KTN1: variants seen among roughly 807,000 people sequenced by gnomAD.
KTN1 encodes the protein kinectin 1, also known as kinectin.
KTN1 carries 130 observed loss-of-function variants against 222.5 expected under a neutral mutation model. The observed-to-expected ratio is 0.58, with a 90% CI of 0.51 to 0.68. KTN1 has a LOEUF of 0.68. Ranked by LOEUF, KTN1 falls within the 30% of genes least tolerant of loss-of-function variation. The probability of loss-of-function intolerance (pLI) is 0.00; values close to 1 mark genes in which losing one functional copy is unlikely to be tolerated. For missense variants in KTN1, 1,508 were observed against 1,500.4 expected (o/e 1.01, Z -0.08); for synonymous variants, 512 against 496.3 (o/e 1.03, Z -0.42).
intron 2 of KTN1, among the ~76,000 whole-genome samples, chr14:55,613,891 TAGAG>T (rs1035910311): frequency 6.3e-4 from 96 of 152,074 alleles, no homozygotes; most frequent in Non-Finnish European, 1.1e-3. Flanking sequence ...ATGTAGGAGA[TAGAG>T]AAAGTATAGA....
At chr14:55,584,724 T>G (rs1295637980) in intron 1 of KTN1, among the ~76,000 whole-genome samples, 1 of 151,640 alleles carries the variant, frequency 6.6e-6, no homozygotes, top group Non-Finnish European at 1.5e-5. Context: ...TCAAACACAG[T>G]ATTACATAGC....
intron 30 of KTN1, among the ~76,000 whole-genome samples, chr14:55,659,349 T>C (rs1337096514): frequency 2.0e-5 from 3 of 151,760 alleles, no homozygotes; most frequent in Admixed American, 6.6e-5. Flanking sequence ...AACAGTTTTA[T>C]GTAGTCAAAT....
chr14:55,606,013 A>C (rs546263766), intron 1 of KTN1, among the ~76,000 whole-genome samples: 4 of 152,204 alleles, frequency 2.6e-5, no homozygotes, highest in Non-Finnish European at 4.4e-5. Flanking sequence ...TGGTATGAAG[A>C]GTGTGGCACG....
At chr14:55,583,689 T>C (rs2032268730) in intron 1 of KTN1, among the ~76,000 whole-genome samples, 1 of 152,222 alleles carries the variant, frequency 6.6e-6, no homozygotes. Context: ...TCTTATCCAG[T>C]GTCATGGTTT....
intron 28 of KTN1, among the ~76,000 whole-genome samples, chr14:55,654,536 A>T (rs1193644681): frequency 2.2e-4 from 28 of 125,422 alleles, no homozygotes; most frequent in African/African-American, 6.9e-4. Context: ...TTTCTGCCTT[A>T]CATTTTTTTT....
intron 25 of KTN1, among the ~76,000 whole-genome samples, chr14:55,652,361 C>A (rs1471136850): frequency 6.7e-6 from 1 of 149,336 alleles, no homozygotes; most frequent in Non-Finnish European, 1.5e-5. Context: ...TCCTATGCTT[C>A]CTGATTTGAT....
rs1193437292 is a variant in KTN1 at position 55,648,134 on chromosome 14, T to C, written c.2298+19T>C. 5 of 1,274,486 alleles carry C rather than the reference T, an allele frequency of 3.9e-6. No homozygotes were observed. Among genetic ancestry groups the C allele is most frequent in the Non-Finnish European group, 5.5e-6 (5 of 905,476 alleles). The allele number at this position is 1,274,486 out of a possible 1,614,324, so 78.9% of individuals were successfully genotyped here. A position where few individuals can be genotyped will look rare whatever the true frequency, so the allele number is the denominator to read the frequency against. On this transcript the variant is annotated intron_variant, in intron 20 of 43. Transcript: ENST00000395314. The stretch of plus-strand genomic sequence containing the variant: ...GCTGAATGTAAAGCATTTTGTAGTT[T>C]TGTTTTCCTTGTGATTATTCAGTGA...
intron 1 of KTN1, among the ~76,000 whole-genome samples, chr14:55,591,225 A>G (rs1454022845): frequency 6.6e-6 from 1 of 152,156 alleles, no homozygotes; most frequent in African/African-American, 2.4e-5. Flanking sequence ...ATGACTCAGT[A>G]TATTATCAGG....
intron 15 of KTN1, among the ~76,000 whole-genome samples, 163 bp from the exon 16 acceptor site, chr14:55,640,770 A>C (rs2041708051): frequency 6.6e-6 from 1 of 152,068 alleles, no homozygotes; most frequent in Admixed American, 6.6e-5. Flanking sequence ...GAATAAAAGA[A>C]GTAAAAAATA....
intron 26 of KTN1, 38 bp downstream of exon 26, chr14:55,652,978 A>G (rs374210822): frequency 3.9e-5 from 62 of 1,579,292 alleles, no homozygotes; most frequent in Non-Finnish European, 5.0e-5. Context: ...GCCTTTTTAT[A>G]CTTGACTATC....
intron 1 of KTN1, among the ~76,000 whole-genome samples, chr14:55,598,187 G>A (rs1392422405): frequency 1.3e-5 from 2 of 152,132 alleles, no homozygotes; most frequent in African/African-American, 2.4e-5. Flanking sequence ...TGTAATCCCA[G>A]CACTTTGGGA....
At position 55,612,081 on chromosome 14, in the gene KTN1, T is replaced by G. The variant is rs1311282512; in HGVS notation, c.33T>G (p.Val11=). MEFYESAYFI[V]LIPSIVITVI... is the part of the protein sequence containing the mutation. ...TTTATGAGTCAGCATATTTTATTGT[T>G]CTTATTCCTTCAATAGTTATTACAG... is the stretch of plus-strand genomic sequence containing the variant. Residue 11 remains valine, a synonymous_variant, in exon 2 of 44, where the codon GTT becomes GTG. Transcript: ENST00000395314. 2.0e-6 allele frequency: 3 copies of G among 1,521,088 alleles called. No homozygotes were observed. The highest frequency in any genetic ancestry group is 2.6e-6 in the Non-Finnish European group (3 of 1,141,364). The allele number at this position is 1,521,088 out of a possible 1,614,324, so 94.2% of individuals were successfully genotyped here. A position where few individuals can be genotyped will look rare whatever the true frequency, so the allele number is the denominator to read the frequency against.
At chr14:55,610,311 T>C (rs1389894361) in intron 1 of KTN1, among the ~76,000 whole-genome samples, 1 of 152,132 alleles carries the variant, frequency 6.6e-6, no homozygotes, top group Non-Finnish European at 1.5e-5. Context: ...CTCCATATAC[T>C]TGGGTTTCAC....
chr14:55,677,193 C>T lies in KTN1; in HGVS notation c.3856-1159C>T, dbSNP rs191676361. Reference sequence around the variant, plus strand: ...ATATTTGACTAAAAAAAGTTTATAACGGCTGGGCATGGTGGCTCACGCCTG... The same window carrying T: ...ATATTTGACTAAAAAAAGTTTATAATGGCTGGGCATGGTGGCTCACGCCTG... On this transcript the variant is annotated intron_variant, in intron 41 of 43. Transcript: ENST00000395314. Among the ~76,000 whole-genome samples the T allele has an allele frequency of 4.0e-4, 61 of 152,070 alleles. No homozygotes were observed. The Middle Eastern group carries it at 0.01, about 25-fold the overall frequency.
At chr14:55,608,371 A>T (rs1378215457) in intron 1 of KTN1, among the ~76,000 whole-genome samples, 2 of 152,204 alleles carry the variant, frequency 1.3e-5, no homozygotes, top group Non-Finnish European at 1.5e-5. Context: ...CAAAGTTTAA[A>T]ACTAGAGTAT....
intron 18 of KTN1, 111 bp downstream of exon 18, chr14:55,641,871 A>G: frequency 1.4e-6 from 1 of 719,784 alleles, no homozygotes; most frequent in African/African-American, 1.8e-5. Flanking sequence ...AAGCTTAGAT[A>G]TGGCTGTTAT....
In KTN1 at chr14:55,667,224, C is replaced by G. The variant is rs7150285; in HGVS notation, c.3178-17C>G. 483 of 1,478,546 alleles carry G rather than the reference C, an allele frequency of 3.3e-4. 3 individuals are homozygous for G. The highest frequency in any genetic ancestry group is 2.4e-3 in the Middle Eastern group (14 of 5,826). 91.6% of individuals were successfully genotyped at this position (1,478,546 alleles called of 1,614,324 possible). A position where few individuals can be genotyped will look rare whatever the true frequency, so the allele number is the denominator to read the frequency against. ...CTGTGATCTTGTAAGTTTGATTTGGCTCATCTTCTGCTTTAGGAAAGGCAG... is the reference window on the plus strand; with the variant it reads ...CTGTGATCTTGTAAGTTTGATTTGGGTCATCTTCTGCTTTAGGAAAGGCAG... On this transcript the variant is annotated splice_polypyrimidine_tract_variant and intron_variant, in intron 33 of 43. Coordinates refer to ENST00000395314, the MANE Select transcript of KTN1 (RefSeq NM_001079521.2).
At position 55,653,089 on chromosome 14, in the gene KTN1, T is replaced by C; in HGVS notation, c.2763+4T>C. The C allele has an allele frequency of 6.5e-7, 1 of 1,544,712 alleles. No homozygotes were observed. The highest frequency in any genetic ancestry group is 8.9e-7 in the Non-Finnish European group (1 of 1,122,092). ...AGCACAACATAACTTGAAAGAGGTA[T>C]AGTATAAACAAATTACCAACATGTT... On this transcript the variant is annotated splice_donor_region_variant and intron_variant, in intron 27 of 43. Transcript: ENST00000395314.
At chr14:55,586,628 T>C (rs1002022272) in intron 1 of KTN1, among the ~76,000 whole-genome samples, 2 of 152,112 alleles carry the variant, frequency 1.3e-5, no homozygotes, top group Admixed American at 6.5e-5. Flanking sequence ...ACGCTGTCCA[T>C]GTGCAGCTGT....
Sources: gnomAD v4.1 joint callset for allele counts (sites outside exome capture counted in the v4.1 genomes callset) on GRCh38, gnomAD v4.1.1 for gene constraint, MANE v1.5 for transcripts, NCBI Gene and HGNC (gene_info 2026-07-23, HGNC 2026-07-21) for gene names.